Variants in RPGRIP1L observed in about 807,000 individuals in gnomAD.
RPGRIP1L encodes the protein protein fantom.
A neutral mutation model predicts 160.4 loss-of-function variants in RPGRIP1L; 131 were observed. That is an observed-to-expected ratio of 0.82 (90% confidence interval 0.71 to 0.94). The LOEUF is 0.94. Ranked by LOEUF, RPGRIP1L falls within the 40% of genes least tolerant of loss-of-function variation. The probability of loss-of-function intolerance (pLI) is 0.00; values close to 1 mark genes in which losing one functional copy is unlikely to be tolerated. For missense variants in RPGRIP1L, 1,522 were observed against 1,535.8 expected, an observed-to-expected ratio of 0.99 and a Z score of 0.15; for synonymous variants, 510 against 515.8, an observed-to-expected ratio of 0.99 and a Z score of 0.15.
At chr16:53,625,835 A>G (rs1965113797) in intron 22 of RPGRIP1L, among the ~76,000 whole-genome samples, 1 of 152,044 alleles carries the variant, frequency 6.6e-6, no homozygotes, top group African/African-American at 2.4e-5. Context: ...TTAATCTATA[A>G]CCTCACCCCC....
intron 5 of RPGRIP1L, among the ~76,000 whole-genome samples, 200 bp downstream of exon 5, chr16:53,687,663 T>A (rs1970112936): frequency 1.3e-5 from 2 of 152,108 alleles, no homozygotes. Flanking sequence ...CATAAATCCT[T>A]CCATTGAGGC....
At chr16:53,611,558 G>A (rs1487653169) in intron 24 of RPGRIP1L, among the ~76,000 whole-genome samples, 1 of 152,240 alleles carries the variant, frequency 6.6e-6, no homozygotes, top group Non-Finnish European at 1.5e-5. Context: ...CTGCTGGGGA[G>A]GGGTATGGGA....
At chr16:53,675,145 AAGAG>A (rs1400191526) in intron 6 of RPGRIP1L, 23 bp from the exon 7 acceptor site, 13 of 1,545,786 alleles carry the variant, frequency 8.4e-6, no homozygotes, top group African/African-American at 2.7e-5. Context: ...GTTTAAGAAA[AAGAG>A]AGACAGAAGT....
chr16:53,619,938 T>C (rs897400102), intron 23 of RPGRIP1L, among the ~76,000 whole-genome samples: 11 of 152,312 alleles, frequency 7.2e-5, no homozygotes, highest in African/African-American at 2.4e-4. Context: ...AAATGTTTCC[T>C]TGAGTAATGA....
At chr16:53,659,259 A>T (rs1967556051) in intron 10 of RPGRIP1L, 1 of 861,730 alleles carries the variant, frequency 1.2e-6, no homozygotes, top group African/African-American at 1.8e-5. Flanking sequence ...ATTGTCTTTT[A>T]GTTTTTTAAT....
At chr16:53,702,364 A>G (rs1189110321) in intron 1 of RPGRIP1L, among the ~76,000 whole-genome samples, 3 of 152,222 alleles carry the variant, frequency 2.0e-5, no homozygotes, top group Non-Finnish European at 4.4e-5. Flanking sequence ...ATGATGCTAA[A>G]TATCTTACAG....
chr16:53,660,862 C>T (rs1040187427), intron 10 of RPGRIP1L, among the ~76,000 whole-genome samples: 8 of 149,310 alleles, frequency 5.4e-5, no homozygotes, highest in Admixed American at 1.3e-4. Context: ...CACTGCACTC[C>T]AGCCTGGGCA....
At chr16:53,669,631 A>G (rs1968549737) in intron 9 of RPGRIP1L, among the ~76,000 whole-genome samples, 1 of 152,124 alleles carries the variant, frequency 6.6e-6, no homozygotes, top group African/African-American at 2.4e-5. Flanking sequence ...ATGTTCAGCA[A>G]ATTTTCAAAC....
chr16:53,642,219 G>A (rs1456094719), intron 17 of RPGRIP1L, among the ~76,000 whole-genome samples: 2 of 150,770 alleles, frequency 1.3e-5, no homozygotes, highest in South Asian at 2.1e-4. Flanking sequence ...TTCTCACTAC[G>A]TTGCCCAGGC....
chr16:53,682,630 A>T (rs943716572), intron 6 of RPGRIP1L, among the ~76,000 whole-genome samples: 11 of 152,198 alleles, frequency 7.2e-5, no homozygotes, highest in African/African-American at 2.7e-4. Flanking sequence ...GTGGTTCAGT[A>T]AAGATGGGGA....
chr16:53,658,652 A>G, intron 11 of RPGRIP1L, 120 bp downstream of exon 11: 1 of 850,372 alleles, frequency 1.2e-6, no homozygotes, highest in Non-Finnish European at 1.9e-6. Context: ...AGCATGAGTT[A>G]ATAAACTGAG....
At chr16:53,689,831 C>T (rs543929862) in intron 4 of RPGRIP1L, among the ~76,000 whole-genome samples, 168 of 152,294 alleles carry the variant, frequency 1.1e-3, no homozygotes, top group Non-Finnish European at 1.7e-3. Flanking sequence ...TGTGTCACTT[C>T]CATGTCCTGA....
intron 21 of RPGRIP1L, among the ~76,000 whole-genome samples, chr16:53,636,755 T>C (rs1342731345): frequency 1.3e-5 from 2 of 152,156 alleles, no homozygotes; most frequent in Non-Finnish European, 2.9e-5. Context: ...ATACAGCTTA[T>C]TGTGAAATTT....
At chr16:53,697,729 C>T (rs1326554068) in intron 2 of RPGRIP1L, among the ~76,000 whole-genome samples, 1 of 152,100 alleles carries the variant, frequency 6.6e-6, no homozygotes, top group Non-Finnish European at 1.5e-5. Flanking sequence ...CACCTCCCAG[C>T]CGCCTGCCTT....
chr16:53,657,398 A>C, intron 13 of RPGRIP1L, 55 bp downstream of exon 13: 1 of 1,210,122 alleles, frequency 8.3e-7, no homozygotes. Flanking sequence ...TTTAGAAAAT[A>C]AATCATCAGA....
intron 10 of RPGRIP1L, among the ~76,000 whole-genome samples, chr16:53,662,785 T>C (rs1022900397): frequency 6.6e-6 from 1 of 152,026 alleles, no homozygotes; most frequent in Non-Finnish European, 1.5e-5. Flanking sequence ...AAAGTAATAG[T>C]TGCATTAAAA....
intron 24 of RPGRIP1L, among the ~76,000 whole-genome samples, chr16:53,616,894 A>T (rs944172783): frequency 6.6e-6 from 1 of 151,766 alleles, no homozygotes; most frequent in African/African-American, 2.4e-5. Flanking sequence ...CAACATGGTG[A>T]AATCTCGTCT....
At chr16:53,618,795 T>C (rs1457522615) in intron 24 of RPGRIP1L, among the ~76,000 whole-genome samples, 1 of 152,106 alleles carries the variant, frequency 6.6e-6, no homozygotes, top group Non-Finnish European at 1.5e-5. Flanking sequence ...GATCCACCCG[T>C]CTCGGTCTCC....
At chr16:53,610,652 A>C (rs1479642121) in intron 25 of RPGRIP1L, among the ~76,000 whole-genome samples, 1 of 152,208 alleles carries the variant, frequency 6.6e-6, no homozygotes, top group African/African-American at 2.4e-5. Flanking sequence ...GTGACTCCAG[A>C]GTGTACCCAC....
Sources: gnomAD v4.1 joint callset for allele counts (sites outside exome capture counted in the v4.1 genomes callset) on GRCh38, gnomAD v4.1.1 for gene constraint, MANE v1.5 for transcripts, NCBI Gene and HGNC (gene_info 2026-07-23, HGNC 2026-07-21) for gene names.